PAK5: variants seen among roughly 807,000 people sequenced by gnomAD.
The protein encoded by PAK5 is p21 (RAC1) activated kinase 5.
Under a neutral mutation model 65.9 loss-of-function variants are expected in PAK5, and 16 were observed. That is an observed-to-expected ratio of 0.24 (90% CI 0.16 to 0.37). The LOEUF is 0.37. Ranked by LOEUF, PAK5 falls within the 10% of genes least tolerant of loss-of-function variation. The pLI is 1.00. For synonymous variants in PAK5, 371 were observed against 354.9 expected, an observed-to-expected ratio of 1.05 and a Z score of -0.51; for missense variants, 785 against 903.9, an observed-to-expected ratio of 0.87 and a Z score of 1.69.
At chr20:9,773,874 G>C (rs531976975) in intron 1 of PAK5, among the ~76,000 whole-genome samples, 3 of 152,206 alleles carry the variant, frequency 2.0e-5, no homozygotes, top group Non-Finnish European at 4.4e-5. Flanking sequence ...GCAGAGTTAC[G>C]ATGTGTGCTC....
chr20:9,617,054 T>A (rs1024767024), intron 3 of PAK5, among the ~76,000 whole-genome samples: 1 of 152,190 alleles, frequency 6.6e-6, no homozygotes, highest in African/African-American at 2.4e-5. Context: ...TGCCAAGTCA[T>A]AAATCAAAAG....
chr20:9,588,375 G>A (rs1292606094), intron 3 of PAK5, among the ~76,000 whole-genome samples: 1 of 152,108 alleles, frequency 6.6e-6, no homozygotes, highest in Non-Finnish European at 1.5e-5. Context: ...TGGTATAAAT[G>A]TATCACACTT....
At chr20:9,814,477 A>T (rs1417515068) in intron 1 of PAK5, among the ~76,000 whole-genome samples, 3 of 152,200 alleles carry the variant, frequency 2.0e-5, no homozygotes, top group Non-Finnish European at 4.4e-5. Flanking sequence ...GAATTGCAAG[A>T]TGCACCATTA....
intron 2 of PAK5, among the ~76,000 whole-genome samples, chr20:9,700,533 A>T (rs1036741821): frequency 6.6e-6 from 1 of 152,198 alleles, no homozygotes; most frequent in Non-Finnish European, 1.5e-5. Context: ...GAATAGATCC[A>T]TCATGCACTA....
intron 2 of PAK5, among the ~76,000 whole-genome samples, chr20:9,691,416 G>A (rs1483628105): frequency 3.9e-5 from 6 of 152,112 alleles, no homozygotes; most frequent in African/African-American, 7.2e-5. Flanking sequence ...CAACTGTCAC[G>A]AAAATCATAA....
chr20:9,575,634 A>G (rs2122989332), intron 4 of PAK5: 1 of 152,312 alleles, frequency 6.6e-6, no homozygotes, highest in South Asian at 2.1e-4. Context: ...GACATTAAGG[A>G]ACTTCTCAAG....
Position 9,538,754 on chromosome 20 carries a change from G to A in PAK5, c.*708C>T, listed in dbSNP as rs2045209777. 1 of 233,234 alleles carries A rather than the reference G, an allele frequency of 4.3e-6. No individual in the cohort carries two copies. The allele number at this position is 233,234 out of a possible 1,614,324, so 14.4% of individuals were successfully genotyped here. A position where few individuals can be genotyped will look rare whatever the true frequency, so the allele number is the denominator to read the frequency against. ...ATTTTTGGTTGGATTAATGAAACGT[G>A]CACACCATCACCATCACTCTTAATT... On this transcript the variant is annotated 3_prime_UTR_variant, in exon 10 of 10. Coordinates refer to ENST00000353224, the MANE Select transcript of PAK5 (RefSeq NM_177990.4).
intron 2 of PAK5, among the ~76,000 whole-genome samples, chr20:9,703,595 C>T (rs981507153): frequency 2.0e-5 from 3 of 152,056 alleles, no homozygotes; most frequent in African/African-American, 7.2e-5. Flanking sequence ...TTGTGGTTCT[C>T]CGGTCTAGCT....
At chr20:9,662,894 G>A (rs1349780767) in intron 2 of PAK5, among the ~76,000 whole-genome samples, 1 of 152,088 alleles carries the variant, frequency 6.6e-6, no homozygotes, top group Non-Finnish European at 1.5e-5. Context: ...CTAGCTAGTG[G>A]CAGATGCAGG....
rs529060467 is a variant in PAK5, at chr20:9,644,264, T to C, written c.65A>G (p.His22Arg). The change falls in exon 3 of 10, where the codon CAT becomes CGT. Residue 22 changes from histidine (H) to arginine (R), a missense_variant. This residue lies in a region of PAK5 where 71 missense variants were observed against 110.2 expected (regional missense o/e 0.64). Transcript: ENST00000353224. Reference sequence around the variant, plus strand: ...CTGCTCTTGTGGATCAAACCCAGTATGAACCCTGTGTTCAAAGTTGGACGG... The same window carrying C: ...CTGCTCTTGTGGATCAAACCCAGTACGAACCCTGTGTTCAAAGTTGGACGG... ...SGPSNFEHRV[H>R]TGFDPQEQKF... is the part of the protein sequence containing the mutation. 1 of 1,607,198 alleles carries C rather than the reference T, an allele frequency of 6.2e-7. No homozygotes were observed. Among genetic ancestry groups the C allele is most frequent in the African/African-American group, 1.3e-5 (1 of 74,474 alleles).
At chr20:9,604,141 C>T (rs552852869) in intron 3 of PAK5, among the ~76,000 whole-genome samples, 56 of 152,256 alleles carry the variant, frequency 3.7e-4, no homozygotes, top group African/African-American at 8.9e-4. Flanking sequence ...CTAGGGCATC[C>T]GGGAGTGGCC....
intron 1 of PAK5, among the ~76,000 whole-genome samples, chr20:9,814,161 T>C (rs2049329657): frequency 6.6e-6 from 1 of 151,990 alleles, no homozygotes; most frequent in Non-Finnish European, 1.5e-5. Flanking sequence ...TGAGATGAAG[T>C]GGGAAGAGTA....
intron 4 of PAK5, among the ~76,000 whole-genome samples, chr20:9,573,748 C>T (rs1036591425): frequency 6.6e-6 from 1 of 152,162 alleles, no homozygotes. Flanking sequence ...GCGTGCTCGA[C>T]TGGGGTGTGT....
intron 1 of PAK5, among the ~76,000 whole-genome samples, chr20:9,791,962 C>T (rs1016084956): frequency 3.9e-5 from 6 of 152,078 alleles, no homozygotes; most frequent in Non-Finnish European, 5.9e-5. Context: ...TTTCTTCTGC[C>T]TGTACCTCCT....
chr20:9,683,937 C>T (rs896250395), intron 2 of PAK5, among the ~76,000 whole-genome samples: 1 of 152,096 alleles, frequency 6.6e-6, no homozygotes, highest in African/African-American at 2.4e-5. Context: ...CAGAAAATTC[C>T]CCTGACTGAT....
intron 3 of PAK5, among the ~76,000 whole-genome samples, chr20:9,586,056 C>T (rs1290579944): frequency 1.3e-5 from 2 of 152,110 alleles, no homozygotes; most frequent in Admixed American, 1.3e-4. Flanking sequence ...CCTTCAGATG[C>T]TACCATCTTT....
At chr20:9,544,859 A>G (rs1044932751) in intron 7 of PAK5, among the ~76,000 whole-genome samples, 3 of 152,230 alleles carry the variant, frequency 2.0e-5, no homozygotes, top group Non-Finnish European at 2.9e-5. Context: ...GCTTTCATAT[A>G]CATAAGTTGC....
chr20:9,632,954 A>G (rs2046941114), intron 3 of PAK5, among the ~76,000 whole-genome samples: 2 of 152,200 alleles, frequency 1.3e-5, no homozygotes, highest in South Asian at 4.1e-4. Flanking sequence ...ATCTTAAACA[A>G]ATCCTTTAAA....
rs146559917 is a variant in PAK5, at chr20:9,693,278, C to A, written c.-12+18008G>T. On this transcript the variant is annotated intron_variant, in intron 2 of 9. Transcript: ENST00000353224. ...TTGATAATCTAAGAGTGGGATAAGA[C>A]CCTCTTAACACAGATGGCAAGGAGA... Among the ~76,000 whole-genome samples the A allele has an allele frequency of 6.2e-3, 939 of 152,138 alleles. 5 individuals carry two copies. The highest frequency in any genetic ancestry group is 0.021 in the African/African-American group (891 of 41,514).
Sources: gnomAD v4.1 joint callset for allele counts (sites outside exome capture counted in the v4.1 genomes callset) on GRCh38, gnomAD v4.1.1 for gene constraint, gnomAD v4.1.1 regional missense constraint, MANE v1.5 for transcripts, NCBI Gene and HGNC (gene_info 2026-07-23, HGNC 2026-07-21) for gene names.